The following ATL2 variants were observed in gnomAD, a reference collection of about 807,000 sequenced individuals.
ATL2 encodes the protein atlastin GTPase 2, also known as atlastin-2.
Under a neutral mutation model 73.9 loss-of-function variants are expected in ATL2, and 31 were observed. That is an observed-to-expected ratio of 0.42 (90% confidence interval 0.32 to 0.57). The LOEUF (loss-of-function observed/expected upper bound fraction) is 0.57, where lower values mean the gene tolerates loss of function less well. Ranked by LOEUF, ATL2 falls within the 20% of genes least tolerant of loss-of-function variation. ATL2 has a pLI of 0.14. For synonymous variants in ATL2, 291 were observed against 237.5 expected, an observed-to-expected ratio of 1.23 and a Z score of -2.07; for missense variants, 738 against 702.6, an observed-to-expected ratio of 1.05 and a Z score of -0.57.
Position 38,321,546 on chromosome 2 carries a change from G to A in ATL2, c.364-2527C>T, listed in dbSNP as rs141873220. ...CTACATATTTGGATACTTCATATTG[G>A]TCTCTATGCAACTCCTGCTCTATCC... On this transcript the variant is annotated intron_variant, in intron 2 of 12. Coordinates refer to ENST00000378954, the MANE Select transcript of ATL2 (RefSeq NM_001135673.4). Among the ~76,000 whole-genome samples, 1,361 of 152,138 alleles carry A rather than the reference G, an allele frequency of 8.9e-3. 21 individuals are homozygous for A. Among genetic ancestry groups the A allele is most frequent in the African/African-American group, 0.029 (1,210 of 41,464 alleles).
chr2:38,304,263 G>GA (rs991089582), intron 9 of ATL2, among the ~76,000 whole-genome samples: 2 of 151,522 alleles, frequency 1.3e-5, no homozygotes, highest in African/African-American at 2.4e-5. Flanking sequence ...AAGTGCTGAA[G>GA]AAAAAAAACA....
chr2:38,348,744 A>C (rs1033095278), intron 1 of ATL2, among the ~76,000 whole-genome samples: 6 of 151,898 alleles, frequency 4.0e-5, no homozygotes, highest in South Asian at 2.1e-4. Flanking sequence ...CAACCTACAA[A>C]ATGGGAGAAA....
At chr2:38,302,950 A>G (rs189097918) in intron 9 of ATL2, among the ~76,000 whole-genome samples, 53 of 152,198 alleles carry the variant, frequency 3.5e-4, no homozygotes, top group Non-Finnish European at 4.6e-4. Flanking sequence ...ACCATCCAAG[A>G]AAACATGACC....
At position 38,325,699 on chromosome 2, in the gene ATL2, T is replaced by TACACACAC. The variant is rs1221635411; in HGVS notation, c.364-6688_364-6681dup. The stretch of plus-strand genomic sequence containing the variant: ...ACACACACACACACACACACACCAG[T>TACACACAC]ACACACACACACACACACACACACA... On this transcript the variant is annotated intron_variant, in intron 2 of 12. Transcript: ENST00000378954. 4.8e-3 allele frequency among the ~76,000 whole-genome samples: 54 copies of TACACACAC among 11,258 alleles called. 6 individuals carry two copies. The highest frequency in any genetic ancestry group is 7.1e-3 in the East Asian group (2 of 280). The allele number at this position is 11,258 out of a possible 152,430, so 7.4% of individuals were successfully genotyped here.
At chr2:38,361,329 G>A (rs536738585) in intron 1 of ATL2, among the ~76,000 whole-genome samples, 1 of 147,376 alleles carries the variant, frequency 6.8e-6, no homozygotes, top group Non-Finnish European at 1.5e-5. Context: ...ACGCCAGCCT[G>A]GGTGACAGAG....
chr2:38,360,510 G>A (rs955474530), intron 1 of ATL2, among the ~76,000 whole-genome samples: 1 of 152,062 alleles, frequency 6.6e-6, no homozygotes, highest in African/African-American at 2.4e-5. Flanking sequence ...TCAAACTCCT[G>A]GACTAAAGGG....
At chr2:38,319,460 G>A (rs905188076) in intron 2 of ATL2, among the ~76,000 whole-genome samples, 3 of 151,938 alleles carry the variant, frequency 2.0e-5, no homozygotes, top group Non-Finnish European at 2.9e-5. Context: ...TTAGCCAGGC[G>A]TGGCGGCACA....
Position 38,368,868 on chromosome 2 carries a change from C to G in ATL2, c.118+8275G>C, listed in dbSNP as rs569445407. ...CACTGAGAGGTGGAGGTTGGAGGAT[C>G]GCTTAACCCCAGGAGTTCGAGACTA... On this transcript the variant is annotated intron_variant, in intron 1 of 12. Coordinates refer to ENST00000378954, the MANE Select transcript of ATL2 (RefSeq NM_001135673.4). Among the ~76,000 whole-genome samples the G allele has an allele frequency of 7.2e-5, 11 of 152,132 alleles. No homozygotes were observed. The East Asian group carries it at 1.9e-3, about 27-fold the overall frequency.
At chr2:38,357,893 T>A (rs561645747) in intron 1 of ATL2, among the ~76,000 whole-genome samples, 1 of 152,260 alleles carries the variant, frequency 6.6e-6, no homozygotes, top group East Asian at 1.9e-4. Flanking sequence ...CCCAATTTAC[T>A]CATTTTAAAA....
At chr2:38,306,896 A>G (rs2148414419) in intron 9 of ATL2, among the ~76,000 whole-genome samples, 1 of 152,336 alleles carries the variant, frequency 6.6e-6, no homozygotes, top group South Asian at 2.1e-4. Context: ...GTTGTACTTC[A>G]GTACAAACTT....
At chr2:38,343,638 ATGTTCCTT>A in intron 1 of ATL2, 126 bp from the exon 2 acceptor site, 1 of 832,192 alleles carries the variant, frequency 1.2e-6, no homozygotes, top group Non-Finnish European at 1.9e-6. Flanking sequence ...GATCATTATA[ATGTTCCTT>A]TGGATTTCTC....
chr2:38,338,798 T>G (rs1438381576), intron 2 of ATL2, among the ~76,000 whole-genome samples: 1 of 152,162 alleles, frequency 6.6e-6, no homozygotes, highest in Non-Finnish European at 1.5e-5. Context: ...AGATACAATG[T>G]GATGAGAAGG....
chr2:38,313,121 T>C (rs1262007341), intron 7 of ATL2, 30 bp downstream of exon 7: 4 of 1,525,158 alleles, frequency 2.6e-6, no homozygotes, highest in Middle Eastern at 1.7e-4. Flanking sequence ...TTGGTGCTTA[T>C]GTTCTCCTCT....
At position 38,304,216 on chromosome 2, in the gene ATL2, G is replaced by A. The variant is rs943479585; in HGVS notation, c.1072-3888C>T. On this transcript the variant is annotated intron_variant, in intron 9 of 12. Transcript: ENST00000378954. ...CACATCTGGGAGTAGACTTCTCAGC[G>A]GAAACCTTACAGGCCAGGAGAGAGT... 3.9e-5 allele frequency among the ~76,000 whole-genome samples: 6 copies of A among 152,086 alleles called. No homozygotes were observed. In the East Asian group the frequency reaches 5.8e-4, roughly 15 times the overall value.
intron 1 of ATL2, among the ~76,000 whole-genome samples, chr2:38,359,920 G>A (rs1670906587): frequency 6.6e-6 from 1 of 151,994 alleles, no homozygotes; most frequent in South Asian, 2.1e-4. Context: ...TTGGGGTCAG[G>A]AGTTCAAAAC....
At chr2:38,302,033 G>A (rs1303768466) in intron 9 of ATL2, among the ~76,000 whole-genome samples, 1 of 152,160 alleles carries the variant, frequency 6.6e-6, no homozygotes, top group African/African-American at 2.4e-5. Flanking sequence ...GAGCCCTAAG[G>A]CCCCAATTTC....
intron 4 of ATL2, 88 bp from the exon 5 acceptor site, chr2:38,315,422 TA>T (rs1667979738): frequency 1.5e-6 from 2 of 1,346,214 alleles, no homozygotes; most frequent in African/African-American, 3.1e-5. Flanking sequence ...GAAAAAAGGT[TA>T]TTTTGTATCT....
intron 2 of ATL2, among the ~76,000 whole-genome samples, chr2:38,320,574 T>C (rs1295805931): frequency 3.3e-5 from 5 of 152,190 alleles, no homozygotes; most frequent in Non-Finnish European, 5.9e-5. Context: ...AGGTAATTTT[T>C]CTAGAAAATT....
At chr2:38,333,588 A>T (rs1421474278) in intron 2 of ATL2, among the ~76,000 whole-genome samples, 1 of 152,242 alleles carries the variant, frequency 6.6e-6, no homozygotes, top group African/African-American at 2.4e-5. Context: ...ACCTACTGGA[A>T]CAAAGAGTTT....
Sources: allele counts gnomAD v4.1 joint callset (sites outside exome capture counted in the v4.1 genomes callset), GRCh38; gene constraint gnomAD v4.1.1; transcripts MANE v1.5; gene names NCBI Gene and HGNC (gene_info 2026-07-23, HGNC 2026-07-21).